The following LRP1B variants were observed in gnomAD, a reference collection of about 807,000 sequenced individuals.
The protein encoded by LRP1B is LDL receptor related protein 1B.
A neutral mutation model predicts 556.6 loss-of-function variants in LRP1B; 217 were observed. The observed-to-expected ratio is 0.39, with a 90% confidence interval of 0.35 to 0.44. The LOEUF (loss-of-function observed/expected upper bound fraction) is 0.44, where lower values mean the gene tolerates loss of function less well. Ranked by LOEUF, LRP1B falls within the 20% of genes least tolerant of loss-of-function variation. The probability of loss-of-function intolerance (pLI) is 1.00; values close to 1 mark genes in which losing one functional copy is unlikely to be tolerated. For missense variants in LRP1B, 5,053 were observed against 5,620.8 expected, an observed-to-expected ratio of 0.90 and a Z score of 3.23; for synonymous variants, 2,047 against 1,865.8, an observed-to-expected ratio of 1.10 and a Z score of -2.50.
At chr2:140,653,185 G>T (rs1380662877) in intron 41 of LRP1B, among the ~76,000 whole-genome samples, 4 of 151,992 alleles carry the variant, frequency 2.6e-5, no homozygotes, top group Admixed American at 6.6e-5. Context: ...GTGGCAGAAA[G>T]TTCAAAATCA....
intron 3 of LRP1B, among the ~76,000 whole-genome samples, chr2:141,290,216 T>C (rs1373045332): frequency 6.6e-6 from 1 of 152,124 alleles, no homozygotes; most frequent in Non-Finnish European, 1.5e-5. Context: ...TAGCTCTACT[T>C]CATGGAGGAA....
At chr2:141,505,134 T>A (rs535180460) in intron 2 of LRP1B, among the ~76,000 whole-genome samples, 1 of 151,616 alleles carries the variant, frequency 6.6e-6, no homozygotes, top group South Asian at 2.1e-4. Flanking sequence ...TCTCTTCCCC[T>A]CCCCTCAATA....
chr2:142,111,283 G>T (rs1383874776), intron 1 of LRP1B, among the ~76,000 whole-genome samples: 1 of 152,040 alleles, frequency 6.6e-6, no homozygotes, highest in Non-Finnish European at 1.5e-5. Flanking sequence ...GGTTCAGGGA[G>T]ATTGTGTATC....
At chr2:141,948,607 G>A (rs1391052218) in intron 1 of LRP1B, among the ~76,000 whole-genome samples, 2 of 151,850 alleles carry the variant, frequency 1.3e-5, no homozygotes, top group Non-Finnish European at 2.9e-5. Context: ...AGAAAAAAAT[G>A]TGATAAACTC....
At chr2:141,333,231 A>G (rs1687723257) in intron 3 of LRP1B, among the ~76,000 whole-genome samples, 1 of 152,106 alleles carries the variant, frequency 6.6e-6, no homozygotes, top group South Asian at 2.1e-4. Context: ...TAGTTACTCA[A>G]TAGGGGATAA....
At chr2:140,394,375 T>G (rs1016477564) in intron 66 of LRP1B, among the ~76,000 whole-genome samples, 1 of 152,116 alleles carries the variant, frequency 6.6e-6, no homozygotes, top group Admixed American at 6.6e-5. Flanking sequence ...TCAATCATTA[T>G]GCTTTTACAT....
chr2:141,002,101 T>C (rs1196702255), intron 15 of LRP1B, among the ~76,000 whole-genome samples: 1 of 151,858 alleles, frequency 6.6e-6, no homozygotes, highest in Non-Finnish European at 1.5e-5. Context: ...AAATAAGAAT[T>C]AAAAAATAAT....
At chr2:141,718,570 C>T (rs371323943) in intron 2 of LRP1B, among the ~76,000 whole-genome samples, 38 of 151,926 alleles carry the variant, frequency 2.5e-4, no homozygotes, top group Admixed American at 2.2e-3. Flanking sequence ...ATTTTTTGTT[C>T]GTCTTCATAG....
chr2:140,463,494 C>A (rs1157928143), intron 60 of LRP1B, among the ~76,000 whole-genome samples: 1 of 152,274 alleles, frequency 6.6e-6, no homozygotes, highest in South Asian at 2.1e-4. Flanking sequence ...CCTGCTTACC[C>A]TTTAATGCAA....
intron 3 of LRP1B, among the ~76,000 whole-genome samples, chr2:141,338,161 T>C (rs1180305786): frequency 6.6e-6 from 1 of 152,142 alleles, no homozygotes; most frequent in Non-Finnish European, 1.5e-5. Flanking sequence ...CTGGTTGATA[T>C]TGTATTAGCT....
At chr2:141,803,330 T>C (rs573963901) in intron 2 of LRP1B, among the ~76,000 whole-genome samples, 1 of 151,798 alleles carries the variant, frequency 6.6e-6, no homozygotes, top group South Asian at 2.1e-4. Context: ...TGGGCAAATG[T>C]ACCAGTGTTA....
intron 3 of LRP1B, among the ~76,000 whole-genome samples, chr2:141,377,056 G>T (rs978331533): frequency 2.0e-5 from 3 of 152,110 alleles, no homozygotes; most frequent in Non-Finnish European, 2.9e-5. Context: ...AGGAAGGCGG[G>T]TGTTTCTATC....
intron 63 of LRP1B, among the ~76,000 whole-genome samples, chr2:140,449,053 G>T (rs761131826): frequency 3.3e-5 from 5 of 151,950 alleles, no homozygotes; most frequent in Admixed American, 6.6e-5. Flanking sequence ...CTAATACTAA[G>T]TCTGTAGTTA....
At chr2:141,186,085 A>AAAAAC (rs1238851057) in intron 7 of LRP1B, among the ~76,000 whole-genome samples, 1 of 150,990 alleles carries the variant, frequency 6.6e-6, no homozygotes, top group Middle Eastern at 3.2e-3. Flanking sequence ...TCTCAAAAAA[A>AAAAAC]AAAAAAAAAA....
At chr2:140,288,083 T>C (rs1049811598) in intron 84 of LRP1B, among the ~76,000 whole-genome samples, 9 of 151,764 alleles carry the variant, frequency 5.9e-5, no homozygotes, top group African/African-American at 1.9e-4. Context: ...GAGTAAATTA[T>C]AAATCTTTCC....
At chr2:140,414,153 C>T (rs1401281711) in intron 66 of LRP1B, among the ~76,000 whole-genome samples, 1 of 152,118 alleles carries the variant, frequency 6.6e-6, no homozygotes, top group African/African-American at 2.4e-5. Flanking sequence ...TAACCTGAAG[C>T]AATCCTCCCA....
At chr2:141,127,222 T>C (rs1369651417) in intron 7 of LRP1B, among the ~76,000 whole-genome samples, 1 of 152,094 alleles carries the variant, frequency 6.6e-6, no homozygotes, top group Non-Finnish European at 1.5e-5. Context: ...TGGTGATAAT[T>C]AAAAAGTCGG....
chr2:140,995,098 C>T (rs938772418), intron 15 of LRP1B, among the ~76,000 whole-genome samples: 6 of 151,960 alleles, frequency 3.9e-5, no homozygotes, highest in Non-Finnish European at 1.5e-5. Context: ...CTGTTTTAAC[C>T]TGAAACCAGT....
At chr2:140,316,111 G>A (rs1294725893) in intron 82 of LRP1B, among the ~76,000 whole-genome samples, 1 of 152,078 alleles carries the variant, frequency 6.6e-6, no homozygotes, top group Non-Finnish European at 1.5e-5. Context: ...TTATTTTGCT[G>A]TGCATATTGG....
Sources: gnomAD v4.1 joint callset for allele counts (sites outside exome capture counted in the v4.1 genomes callset) on GRCh38, gnomAD v4.1.1 for gene constraint, MANE v1.5 for transcripts, NCBI Gene and HGNC (gene_info 2026-07-23, HGNC 2026-07-21) for gene names.